The following PLAAT5 variants were observed in gnomAD, a reference collection of about 807,000 sequenced individuals.
The protein encoded by PLAAT5 is Ca(2+)-independent N-acyltransferase.
Under a neutral mutation model 27.8 loss-of-function variants are expected in PLAAT5, and 27 were observed. That is an observed-to-expected ratio of 0.97 (90% confidence interval 0.72 to 1.34). PLAAT5 has a LOEUF of 1.34. PLAAT5 is among the 40% of genes most tolerant of loss of function. The pLI, the probability that PLAAT5 is intolerant of heterozygous loss-of-function variation, is 0.00. For missense variants in PLAAT5, 368 were observed against 343.8 expected (o/e 1.07, Z -0.56); for synonymous variants, 125 against 136.1 (o/e 0.92, Z 0.57).
chr11:63,463,424 T>G lies in PLAAT5; in HGVS notation c.*79A>C. On this transcript the variant is annotated 3_prime_UTR_variant, in exon 6 of 6. Transcript: ENST00000540857. ...TCACAATTTTCTTAATCGGAGCCAT[T>G]GAGAGAAGGCAAGGGAAGGAAGCAT... is the stretch of plus-strand genomic sequence containing the variant. The G allele has an allele frequency of 2.8e-6, 3 of 1,078,850 alleles. No individual in the cohort carries two copies. Among genetic ancestry groups the G allele is most frequent in the Non-Finnish European group, 4.3e-6 (3 of 702,868 alleles). The allele number at this position is 1,078,850 out of a possible 1,614,324, so 66.8% of individuals were successfully genotyped here.
At chr11:63,489,759 T>C (rs988107998) in intron 2 of PLAAT5, among the ~76,000 whole-genome samples, 1 of 152,224 alleles carries the variant, frequency 6.6e-6, no homozygotes, top group Non-Finnish European at 1.5e-5. Context: ...ACTTTTTCTT[T>C]ACCTTTTCCC....
At chr11:63,473,620 A>C (rs2016082671) in intron 3 of PLAAT5, among the ~76,000 whole-genome samples, 2 of 151,952 alleles carry the variant, frequency 1.3e-5, no homozygotes, top group Admixed American at 1.3e-4. Flanking sequence ...CATGAATGGC[A>C]GATTTTGACA....
At chr11:63,485,349 C>A (rs1354840533) in intron 3 of PLAAT5, among the ~76,000 whole-genome samples, 1 of 152,150 alleles carries the variant, frequency 6.6e-6, no homozygotes, top group East Asian at 1.9e-4. Context: ...AAGAACAAAT[C>A]TTGAGGCATC....
At chr11:63,466,913 C>T (rs538888312) in intron 4 of PLAAT5, among the ~76,000 whole-genome samples, 23 of 152,224 alleles carry the variant, frequency 1.5e-4, no homozygotes, top group African/African-American at 4.3e-4. Flanking sequence ...TACTCAAATA[C>T]GGGGATTCTC....
Position 63,491,161 on chromosome 11 carries a change from G to A in PLAAT5, c.-127C>T, listed in dbSNP as rs2016564090. 1 of 811,258 alleles carries A rather than the reference G, an allele frequency of 1.2e-6. No individual in the cohort carries two copies. The highest frequency in any genetic ancestry group is 4.2e-5 in the Admixed American group (1 of 23,848). The allele number at this position is 811,258 out of a possible 1,614,324, so 50.3% of individuals were successfully genotyped here. ...TGGGCACTGGGGGCGGCTCGGGGAG[G>A]AACCGCGGAGGGGAAAGCGCCGCGG... On this transcript the variant is annotated 5_prime_UTR_variant, in exon 1 of 6. Transcript: ENST00000540857.
At chr11:63,480,701 C>T (rs1334144100) in intron 3 of PLAAT5, among the ~76,000 whole-genome samples, 1 of 152,122 alleles carries the variant, frequency 6.6e-6, no homozygotes, top group African/African-American at 2.4e-5. Flanking sequence ...AAGGTGCAGC[C>T]AAGGTTGCGG....
Position 63,463,173 on chromosome 11 carries a change from C to T in PLAAT5, c.*330G>A, listed in dbSNP as rs1728134697. ...TTTCTGGGATGTTTCTGATGGCACT[C>T]AAGCATCGGAGACCAAGGTCAGCCT... On this transcript the variant is annotated 3_prime_UTR_variant, in exon 6 of 6. Coordinates refer to ENST00000540857, the MANE Select transcript of PLAAT5 (RefSeq NM_001146729.2). 1 of 252,088 alleles carries T rather than the reference C, an allele frequency of 4.0e-6. No individual in the cohort carries two copies. The highest frequency in any genetic ancestry group is 7.5e-6 in the Non-Finnish European group (1 of 132,740). The allele number at this position is 252,088 out of a possible 1,614,324, so 15.6% of individuals were successfully genotyped here.
chr11:63,483,433 T>C (rs1184643002), intron 3 of PLAAT5, among the ~76,000 whole-genome samples: 2 of 151,586 alleles, frequency 1.3e-5, no homozygotes. Context: ...TGGAATAAAA[T>C]TAGAAATTAA....
At chr11:63,481,445 T>A (rs997831002) in intron 3 of PLAAT5, among the ~76,000 whole-genome samples, 5 of 151,880 alleles carry the variant, frequency 3.3e-5, no homozygotes, top group Non-Finnish European at 7.4e-5. Flanking sequence ...ATCTCAAAAA[T>A]AATAATAATA....
At chr11:63,478,543 A>C (rs772678772) in intron 3 of PLAAT5, among the ~76,000 whole-genome samples, 5 of 152,026 alleles carry the variant, frequency 3.3e-5, no homozygotes, top group Non-Finnish European at 7.4e-5. Flanking sequence ...GGATGGTCTC[A>C]ATCTCCTGAC....
chr11:63,488,108 G>A (rs2016479167), intron 3 of PLAAT5, among the ~76,000 whole-genome samples: 1 of 152,158 alleles, frequency 6.6e-6, no homozygotes, highest in Non-Finnish European at 1.5e-5. Flanking sequence ...TCACGCCACT[G>A]CACTCCAGCC....
chr11:63,469,256 G>T, intron 3 of PLAAT5: 1 of 192,810 alleles, frequency 5.2e-6, no homozygotes, highest in South Asian at 1.1e-4. Flanking sequence ...CAGAGCTCCA[G>T]GTTGCACCTT....
chr11:63,470,472 A>C (rs1174613790), intron 3 of PLAAT5: 1 of 156,056 alleles, frequency 6.4e-6, no homozygotes, highest in African/African-American at 2.4e-5. Context: ...TAAACATAAG[A>C]TAATTCATAC....
intron 3 of PLAAT5, among the ~76,000 whole-genome samples, chr11:63,482,944 C>G (rs1368265526): frequency 6.6e-6 from 1 of 152,120 alleles, no homozygotes; most frequent in Non-Finnish European, 1.5e-5. Flanking sequence ...CAAAAGTGAG[C>G]TAGAGTAGCT....
At chr11:63,487,084 T>C (rs949083827) in intron 3 of PLAAT5, among the ~76,000 whole-genome samples, 2 of 152,214 alleles carry the variant, frequency 1.3e-5, no homozygotes, top group Non-Finnish European at 2.9e-5. Context: ...AGTATTTCAT[T>C]ACATTTCCGT....
At chr11:63,472,597 T>A (rs767905224) in intron 3 of PLAAT5, among the ~76,000 whole-genome samples, 11 of 152,200 alleles carry the variant, frequency 7.2e-5, no homozygotes, top group Non-Finnish European at 1.5e-4. Context: ...AACATGGAAT[T>A]TTTTGTGTGT....
chr11:63,472,709 T>A lies in PLAAT5; in HGVS notation c.346-4244A>T, dbSNP rs188541476. On this transcript the variant is annotated intron_variant, in intron 3 of 5. Transcript: ENST00000540857. ...GCTATGATGAATAGAATTATTTTTT[T>A]AATTTCATTTTCAGGTAGTTCACTT... Among the ~76,000 whole-genome samples the A allele has an allele frequency of 2.1e-4, 32 of 152,352 alleles. 1 individual carries two copies. The East Asian group carries it at 2.3e-3, about 11-fold the overall frequency.
intron 3 of PLAAT5, among the ~76,000 whole-genome samples, chr11:63,484,957 T>C (rs1029781434): frequency 1.3e-5 from 2 of 152,002 alleles, no homozygotes; most frequent in African/African-American, 4.8e-5. Flanking sequence ...GGATACAAAA[T>C]TATTGTACAC....
At chr11:63,487,280 C>T (rs1026860872) in intron 3 of PLAAT5, among the ~76,000 whole-genome samples, 1 of 152,106 alleles carries the variant, frequency 6.6e-6, no homozygotes, top group African/African-American at 2.4e-5. Context: ...AAGATTTGAA[C>T]ACTTCACCAA....
Sources: allele counts gnomAD v4.1 joint callset (sites outside exome capture counted in the v4.1 genomes callset), GRCh38; gene constraint gnomAD v4.1.1; transcripts MANE v1.5; gene names NCBI Gene and HGNC (gene_info 2026-07-23, HGNC 2026-07-21).